Variants in ADK observed in about 807,000 individuals in gnomAD.
ADK encodes the protein N6,N6-dimethyladenosine kinase.
Under a neutral mutation model 44.7 loss-of-function variants are expected in ADK, and 24 were observed. The ratio of observed to expected loss-of-function variants is 0.54; its 90% CI spans 0.39 to 0.76. The LOEUF (loss-of-function observed/expected upper bound fraction) is 0.76, where lower values mean the gene tolerates loss of function less well. Among genes scored for constraint, ADK ranks in the 30% least tolerant of loss-of-function variants. ADK has a pLI of 0.00. For missense variants in ADK, 321 were observed against 425.1 expected (o/e 0.76, Z 2.15); for synonymous variants, 128 against 142.6 (o/e 0.90, Z 0.73).
chr10:74,355,416 C>T (rs1258619966), intron 4 of ADK, among the ~76,000 whole-genome samples: 1 of 152,214 alleles, frequency 6.6e-6, no homozygotes, highest in Admixed American at 6.5e-5. Context: ...AACGTATATA[C>T]TTAGCCTTGT....
intron 4 of ADK, among the ~76,000 whole-genome samples, chr10:74,326,317 G>A (rs1469963616): frequency 6.6e-6 from 1 of 152,038 alleles, no homozygotes; most frequent in African/African-American, 2.4e-5. Context: ...TTGAATATTT[G>A]GTAGGGTGTG....
At chr10:74,478,641 T>C (rs1846948441) in intron 6 of ADK, among the ~76,000 whole-genome samples, 1 of 152,218 alleles carries the variant, frequency 6.6e-6, no homozygotes, top group Non-Finnish European at 1.5e-5. Context: ...ATATATTCCT[T>C]GGATTATTTG....
intron 10 of ADK, among the ~76,000 whole-genome samples, chr10:74,698,381 C>G (rs1335428318): frequency 6.6e-6 from 1 of 152,184 alleles, no homozygotes; most frequent in Admixed American, 6.5e-5. Flanking sequence ...GAGCTGTGCT[C>G]TTCATTTTCA....
intron 3 of ADK, among the ~76,000 whole-genome samples, chr10:74,260,128 T>C (rs1414595701): frequency 6.6e-6 from 1 of 152,132 alleles, no homozygotes; most frequent in African/African-American, 2.4e-5. Flanking sequence ...TGTCTAATAA[T>C]GAAAAACAAG....
At chr10:74,289,716 CT>C (rs969088934) in intron 3 of ADK, among the ~76,000 whole-genome samples, 1 of 151,884 alleles carries the variant, frequency 6.6e-6, no homozygotes, top group African/African-American at 2.4e-5. Context: ...AAGCTGACTA[CT>C]TTAAGAAAAT....
chr10:74,342,836 C>A (rs1471081811), intron 4 of ADK, among the ~76,000 whole-genome samples: 1 of 133,588 alleles, frequency 7.5e-6, no homozygotes, highest in Admixed American at 7.8e-5. Flanking sequence ...GATCTTGTAT[C>A]CTACAGCCTT....
chr10:74,580,676 TG>T (rs1273397161), intron 7 of ADK, among the ~76,000 whole-genome samples: 1 of 152,108 alleles, frequency 6.6e-6, no homozygotes, highest in Non-Finnish European at 1.5e-5. Context: ...CTGCCATGAT[TG>T]TGAGGCTTCC....
At chr10:74,300,835 G>C (rs1041476451) in intron 3 of ADK, among the ~76,000 whole-genome samples, 2 of 152,230 alleles carry the variant, frequency 1.3e-5, no homozygotes, top group Non-Finnish European at 2.9e-5. Context: ...AAAACAAGAA[G>C]TGATACTTCT....
At chr10:74,372,177 G>T in intron 4 of ADK, 1 of 756,314 alleles carries the variant, frequency 1.3e-6, no homozygotes, top group Non-Finnish European at 2.4e-6. Context: ...AGAGCAGCCT[G>T]CTGCTGAAAA....
chr10:74,352,956 A>G lies in ADK; in HGVS notation c.273+38211A>G, dbSNP rs181163032. 5.2e-3 allele frequency among the ~76,000 whole-genome samples: 795 copies of G among 152,308 alleles called. 12 individuals are homozygous for G. Among genetic ancestry groups the G allele is most frequent in the African/African-American group, 0.017 (721 of 41,580 alleles). On this transcript the variant is annotated intron_variant, in intron 4 of 10. Transcript: ENST00000539909. ...TGTGGAGCAATAGGAATGCTTTTAC[A>G]CTGTTGGTGGGAGTGTAAATTAGTT...
chr10:74,590,288 A>G (rs751976729), intron 8 of ADK, among the ~76,000 whole-genome samples: 8 of 152,200 alleles, frequency 5.3e-5, no homozygotes, highest in African/African-American at 1.9e-4. Context: ...CATATTCAGT[A>G]TTGTCTATCA....
chr10:74,391,172 A>G (rs975257943), intron 4 of ADK, among the ~76,000 whole-genome samples: 1 of 152,174 alleles, frequency 6.6e-6, no homozygotes, highest in Non-Finnish European at 1.5e-5. Context: ...CTGTATTGTC[A>G]TAAGAGCATA....
intron 6 of ADK, among the ~76,000 whole-genome samples, chr10:74,498,180 C>G (rs369027324): frequency 6.6e-6 from 1 of 152,144 alleles, no homozygotes; most frequent in Non-Finnish European, 1.5e-5. Flanking sequence ...TGAGCCACTG[C>G]GCCTGGCCAA....
chr10:74,688,260 A>G (rs1855862379), intron 10 of ADK, among the ~76,000 whole-genome samples: 1 of 152,104 alleles, frequency 6.6e-6, no homozygotes, highest in Non-Finnish European at 1.5e-5. Context: ...GTTCTTTTTC[A>G]TAGTAGCACT....
intron 3 of ADK, among the ~76,000 whole-genome samples, chr10:74,261,392 A>G (rs866233982): frequency 1.3e-5 from 2 of 151,868 alleles, no homozygotes; most frequent in Non-Finnish European, 2.9e-5. Context: ...CCTCTATTCT[A>G]CTTTACCAAG....
chr10:74,669,618 A>G (rs767275367), intron 9 of ADK, among the ~76,000 whole-genome samples: 7 of 152,230 alleles, frequency 4.6e-5, no homozygotes, highest in Non-Finnish European at 8.8e-5. Flanking sequence ...AGATTAGGTT[A>G]TTTTTAGTAA....
intron 6 of ADK, among the ~76,000 whole-genome samples, chr10:74,504,185 C>T (rs1056758908): frequency 2.0e-5 from 3 of 152,074 alleles, no homozygotes; most frequent in African/African-American, 7.2e-5. Flanking sequence ...AATTTTGCTA[C>T]ATTCCTTTTG....
At chr10:74,507,352 C>T (rs1198526823) in intron 6 of ADK, among the ~76,000 whole-genome samples, 1 of 152,142 alleles carries the variant, frequency 6.6e-6, no homozygotes, top group Admixed American at 6.5e-5. Context: ...GTGGCTCACA[C>T]TTGTAATCCC....
chr10:74,330,433 T>A (rs575439979), intron 4 of ADK, among the ~76,000 whole-genome samples: 75 of 151,906 alleles, frequency 4.9e-4, no homozygotes, highest in African/African-American at 1.5e-3. Flanking sequence ...TTAAAAAAAA[T>A]TTTTTTTTAA....
Sources: gnomAD v4.1 joint callset for allele counts (sites outside exome capture counted in the v4.1 genomes callset) on GRCh38, gnomAD v4.1.1 for gene constraint, MANE v1.5 for transcripts, NCBI Gene and HGNC (gene_info 2026-07-23, HGNC 2026-07-21) for gene names.